The following AGAP1 variants were observed in gnomAD, a reference collection of about 807,000 sequenced individuals.
AGAP1 encodes the protein arf-GAP with GTPase, ANK repeat and PH domain-containing protein 1.
In AGAP1, 29 loss-of-function variants were observed where a neutral mutation model predicts 105.3. The ratio of observed to expected loss-of-function variants is 0.28; its 90% CI spans 0.21 to 0.38. The LOEUF is 0.38. AGAP1 is among the 10% of genes least tolerant of loss of function. AGAP1 has a pLI of 1.00. For synonymous variants in AGAP1, 509 were observed against 485.9 expected (o/e 1.05, Z -0.63); for missense variants, 998 against 1,165.1 (o/e 0.86, Z 2.09).
rs538111375 is a variant in AGAP1, at chr2:235,888,527, G to T, written c.1155+5078G>T. Among the ~76,000 whole-genome samples, 1 of 152,098 alleles carries T rather than the reference G, an allele frequency of 6.6e-6. No individual in the cohort carries two copies. Among genetic ancestry groups the T allele is most frequent in the Non-Finnish European group, 1.5e-5 (1 of 67,976 alleles). ...TAGACCTGCCTGGGCAACATGGAGA[G>T]ACCCCATCTCTACAACAAATAAAAA... is the stretch of plus-strand genomic sequence containing the variant. On this transcript the variant is annotated intron_variant, in intron 10 of 17. Coordinates refer to ENST00000304032, the MANE Select transcript of AGAP1 (RefSeq NM_001037131.3). The surrounding 1 kb of genome is among the most constrained non-coding windows in gnomAD (Gnocchi z 4.8).
Position 236,014,803 on chromosome 2 carries a change from A to T in AGAP1, c.1646-21758A>T. 2 of 452,098 alleles carry T rather than the reference A, an allele frequency of 4.4e-6. No individual in the cohort carries two copies. Among genetic ancestry groups the T allele is most frequent in the Non-Finnish European group, 9.1e-6 (2 of 220,396 alleles). 28.0% of individuals were successfully genotyped at this position (452,098 alleles called of 1,614,324 possible). ...TCTCCCCTTTCTGCTCTCGGGATGC[A>T]GCCAAACGCAAAGCATGGAAACTAA... On this transcript the variant is annotated intron_variant, in intron 13 of 17. Coordinates refer to ENST00000304032, the MANE Select transcript of AGAP1 (RefSeq NM_001037131.3). The surrounding 1 kb of genome is among the most constrained non-coding windows in gnomAD (Gnocchi z 6.3).
At position 235,566,019 on chromosome 2, in the gene AGAP1, C is replaced by G. The variant is rs1443876792; in HGVS notation, c.163+71170C>G. 6.6e-6 allele frequency among the ~76,000 whole-genome samples: 1 copy of G among 152,182 alleles called. No individual in the cohort carries two copies. The highest frequency in any genetic ancestry group is 2.4e-5 in the African/African-American group (1 of 41,452). On this transcript the variant is annotated intron_variant, in intron 1 of 17. Transcript: ENST00000304032. The surrounding 1 kb of genome is among the most constrained non-coding windows in gnomAD (Gnocchi z 5.2). Reference sequence around the variant, plus strand: ...TAATTTTATAGTGAGTACTTGTACACTGATTGCCAAGATTCTGTAAACAAT... The same window carrying G: ...TAATTTTATAGTGAGTACTTGTACAGTGATTGCCAAGATTCTGTAAACAAT...
intron 1 of AGAP1, among the ~76,000 whole-genome samples, chr2:235,697,996 T>A (rs1327954669): frequency 6.6e-6 from 1 of 152,148 alleles, no homozygotes; most frequent in Admixed American, 6.5e-5. Flanking sequence ...GTCTCCAAGC[T>A]TTTTTGGCAC....
At position 235,599,548 on chromosome 2, in the gene AGAP1, A is replaced by C. The variant is rs1177119344; in HGVS notation, c.163+104699A>C. On this transcript the variant is annotated intron_variant, in intron 1 of 17. Transcript: ENST00000304032. This position sits in a 1 kb window ranked among gnomAD's most constrained non-coding sequence, Gnocchi z 5.3. Reference sequence around the variant, plus strand: ...AATAAGTTTATAAAAAGCCCCCACCAAGTCAGGATTTGTCCAGAATGGTCA... The same window carrying C: ...AATAAGTTTATAAAAAGCCCCCACCCAGTCAGGATTTGTCCAGAATGGTCA... Among the ~76,000 whole-genome samples the C allele has an allele frequency of 1.3e-5, 2 of 151,350 alleles. No individual in the cohort carries two copies. The highest frequency in any genetic ancestry group is 4.9e-5 in the African/African-American group (2 of 40,794).
chr2:235,818,486 AG>A, intron 9 of AGAP1, among the ~76,000 whole-genome samples: 1 of 152,306 alleles, frequency 6.6e-6, no homozygotes, highest in African/African-American at 2.4e-5. Context: ...TCTGTCACCC[AG>A]GCTAGAGTGC....
chr2:235,494,640 G>T lies in AGAP1; in HGVS notation c.-47G>T, dbSNP rs763432420. 4.2e-6 allele frequency: 4 copies of T among 962,328 alleles called. No individual in the cohort carries two copies. In the African/African-American group the frequency reaches 7.2e-5, roughly 17 times the overall value. The allele number at this position is 962,328 out of a possible 1,614,324, so 59.6% of individuals were successfully genotyped here. ...GCGGCCCGCGGGCCCCGGGGCGCGGGGCGGCGGCGGCGGGGGGCGCGCGGC... is the reference window on the plus strand; with the variant it reads ...GCGGCCCGCGGGCCCCGGGGCGCGGTGCGGCGGCGGCGGGGGGCGCGCGGC... On this transcript the variant is annotated 5_prime_UTR_variant, in exon 1 of 18. Transcript: ENST00000304032.
intron 6 of AGAP1, among the ~76,000 whole-genome samples, chr2:235,779,839 G>C (rs1319952646): frequency 6.6e-6 from 1 of 152,220 alleles, no homozygotes; most frequent in Non-Finnish European, 1.5e-5. Context: ...ACCGCTGTCA[G>C]AACTGTGCAG....
intron 9 of AGAP1, among the ~76,000 whole-genome samples, chr2:235,837,323 A>T (rs1162777588): frequency 1.3e-5 from 2 of 152,172 alleles, no homozygotes; most frequent in African/African-American, 2.4e-5. Context: ...GCTAAATATG[A>T]TTAACAGCGG....
rs1946600775 is a variant in AGAP1, at chr2:235,625,205, A to C, written c.164-83974A>C. On this transcript the variant is annotated intron_variant, in intron 1 of 17. Transcript: ENST00000304032. The surrounding 1 kb of genome is among the most constrained non-coding windows in gnomAD (Gnocchi z 4.0). Reference sequence around the variant, plus strand: ...GCTCTTCTTTCCTTCATGACCTTGAACTCTCTGACTCCAGCAGTCCCCTCT... The same window carrying C: ...GCTCTTCTTTCCTTCATGACCTTGACCTCTCTGACTCCAGCAGTCCCCTCT... 6.6e-6 allele frequency among the ~76,000 whole-genome samples: 1 copy of C among 151,194 alleles called. No individual in the cohort carries two copies. Among genetic ancestry groups the C allele is most frequent in the South Asian group, 2.1e-4 (1 of 4,746 alleles).
chr2:235,543,789 T>C (rs955210453), intron 1 of AGAP1, among the ~76,000 whole-genome samples: 1 of 152,172 alleles, frequency 6.6e-6, no homozygotes, highest in Non-Finnish European at 1.5e-5. Context: ...GGAGTGGTAG[T>C]GTCAGGGCGG....
At chr2:236,117,363 C>T (rs903089952) in intron 16 of AGAP1, among the ~76,000 whole-genome samples, 2 of 152,162 alleles carry the variant, frequency 1.3e-5, no homozygotes, top group African/African-American at 4.8e-5. Context: ...AAATGTGTAT[C>T]AGCTTGTCAG....
chr2:235,740,766 A>G lies in AGAP1; in HGVS notation c.311-197A>G, dbSNP rs955397227. On this transcript the variant is annotated intron_variant, in intron 3 of 17. Transcript: ENST00000304032. The surrounding 1 kb of genome is among the most constrained non-coding windows in gnomAD (Gnocchi z 5.7). ...CTGTGCCTTCCAACTGGAAACGCACAGGGGTTCTTAAAGACAAACATTTAA... is the reference window on the plus strand; with the variant it reads ...CTGTGCCTTCCAACTGGAAACGCACGGGGGTTCTTAAAGACAAACATTTAA... 6.6e-6 allele frequency among the ~76,000 whole-genome samples: 1 copy of G among 152,272 alleles called. No homozygotes were observed. Among genetic ancestry groups the G allele is most frequent in the Non-Finnish European group, 1.5e-5 (1 of 68,046 alleles).
At chr2:235,497,128 G>C (rs778337801) in intron 1 of AGAP1, among the ~76,000 whole-genome samples, 25 of 152,254 alleles carry the variant, frequency 1.6e-4, no homozygotes, top group Non-Finnish European at 2.8e-4. Flanking sequence ...AACCCTGTGA[G>C]GGTGGGTGGG....
chr2:235,669,760 C>A (rs1165031745), intron 1 of AGAP1: 1 of 148,004 alleles, frequency 6.8e-6, no homozygotes, highest in Non-Finnish European at 1.5e-5. Context: ...GCACGGGCCC[C>A]GCGTCGTAGA....
chr2:235,869,517 C>T (rs1055494185), intron 9 of AGAP1, among the ~76,000 whole-genome samples: 4 of 149,412 alleles, frequency 2.7e-5, no homozygotes, highest in Admixed American at 6.7e-5. Flanking sequence ...AGGAGAATCA[C>T]TTGAACCCAG....
rs116563282 is a variant in AGAP1 at position 235,513,912 on chromosome 2, C to T, written c.163+19063C>T. On this transcript the variant is annotated intron_variant, in intron 1 of 17. Coordinates refer to ENST00000304032, the MANE Select transcript of AGAP1 (RefSeq NM_001037131.3). ...GACCCAACAACACACAGCACCCCCACGCTGAACCCTCCCGAGAATGATTGA... is the reference window on the plus strand; with the variant it reads ...GACCCAACAACACACAGCACCCCCATGCTGAACCCTCCCGAGAATGATTGA... Among the ~76,000 whole-genome samples, 924 of 152,264 alleles carry T rather than the reference C, an allele frequency of 6.1e-3. 8 individuals are homozygous for T. Among genetic ancestry groups the T allele is most frequent in the African/African-American group, 0.022 (899 of 41,550 alleles).
At chr2:236,030,009 T>C (rs909582740) in intron 13 of AGAP1, among the ~76,000 whole-genome samples, 6 of 152,180 alleles carry the variant, frequency 3.9e-5, no homozygotes, top group African/African-American at 1.2e-4. Flanking sequence ...AAGTGCTGAG[T>C]TGGCAGACAT....
At chr2:236,029,388 GC>G (rs1224969081) in intron 13 of AGAP1, among the ~76,000 whole-genome samples, 5 of 150,168 alleles carry the variant, frequency 3.3e-5, no homozygotes, top group African/African-American at 1.2e-4. Context: ...TGATTCTCCT[GC>G]CTCAGCCTCC....
chr2:236,102,105 A>T (rs1320344051), intron 16 of AGAP1, among the ~76,000 whole-genome samples: 1 of 152,106 alleles, frequency 6.6e-6, no homozygotes, highest in African/African-American at 2.4e-5. Context: ...AACATGGTGA[A>T]ACCCCGTCTC....
Sources: gnomAD v4.1 joint callset for allele counts (sites outside exome capture counted in the v4.1 genomes callset) on GRCh38, gnomAD v4.1.1 for gene constraint, Gnocchi (gnomAD v3.1) non-coding constraint, MANE v1.5 for transcripts, NCBI Gene and HGNC (gene_info 2026-07-23, HGNC 2026-07-21) for gene names.